Variants in THSD7B observed in about 807,000 individuals in gnomAD.
The protein encoded by THSD7B is thrombospondin type 1 domain containing 7B.
A neutral mutation model predicts 213.6 loss-of-function variants in THSD7B; 138 were observed. That is an observed-to-expected ratio of 0.65 (90% CI 0.56 to 0.74). The LOEUF (loss-of-function observed/expected upper bound fraction) is 0.74, where lower values mean the gene tolerates loss of function less well. THSD7B is among the 30% of genes least tolerant of loss of function. The pLI, the probability that THSD7B is intolerant of heterozygous loss-of-function variation, is 0.00. For synonymous variants in THSD7B, 742 were observed against 687.0 expected, an observed-to-expected ratio of 1.08 and a Z score of -1.25; for missense variants, 1,931 against 1,991.5, an observed-to-expected ratio of 0.97 and a Z score of 0.58.
intron 2 of THSD7B, among the ~76,000 whole-genome samples, chr2:136,908,908 C>T (rs948916064): frequency 1.5e-4 from 23 of 151,964 alleles, no homozygotes; most frequent in East Asian, 3.9e-4. Flanking sequence ...AGTCTGGGCG[C>T]GGTGGCTAAC....
In THSD7B at chr2:137,370,869, A is replaced by G. The variant is rs141278277; in HGVS notation, c.2501-34744A>G. 3.2e-3 allele frequency among the ~76,000 whole-genome samples: 481 copies of G among 152,258 alleles called. 14 individuals are homozygous for G. Among genetic ancestry groups the G allele is most frequent in the Admixed American group, 0.028 (431 of 15,288 alleles). ...GTTATATAATTTCATTAATTAATAT[A>G]TTCAGTGTTTATATTAGTATAGCTA... On this transcript the variant is annotated intron_variant, in intron 12 of 27. Coordinates refer to ENST00000409968, the MANE Select transcript of THSD7B (RefSeq NM_001316349.2).
intron 14 of THSD7B, among the ~76,000 whole-genome samples, chr2:137,416,634 G>A (rs2105020043): frequency 6.6e-6 from 1 of 152,310 alleles, no homozygotes; most frequent in South Asian, 2.1e-4. Context: ...GGAAAGGATA[G>A]TTTAGATAAG....
rs1047471973 is a variant in THSD7B at position 137,160,315 on chromosome 2, C to G, written c.1472C>G (p.Ser491Ter). ...CSTDCIVSSWSAWGLCIHENC... is the reference protein window; with the variant it reads ...CSTDCIVSSW Reference sequence around the variant, plus strand: ...ACGGACTGCATAGTATCTTCCTGGTCAGCCTGGGGCCTGTGCATCCATGAA... The same window carrying G: ...ACGGACTGCATAGTATCTTCCTGGTGAGCCTGGGGCCTGTGCATCCATGAA... The change falls in exon 6 of 28, where the codon TCA (serine) becomes TGA (stop). Residue 491 changes from serine (S) to a stop codon, truncating the protein, a stop_gained. Coordinates refer to ENST00000409968, the MANE Select transcript of THSD7B (RefSeq NM_001316349.2). LOFTEE classifies it high-confidence loss of function. 6.2e-7 allele frequency: 1 copy of G among 1,613,518 alleles called. No individual in the cohort carries two copies. The highest frequency in any genetic ancestry group is 1.3e-5 in the African/African-American group (1 of 74,912).
At chr2:137,204,672 A>T (rs1680946052) in intron 7 of THSD7B, among the ~76,000 whole-genome samples, 1 of 152,122 alleles carries the variant, frequency 6.6e-6, no homozygotes, top group Non-Finnish European at 1.5e-5. Context: ...TTGAGCACAA[A>T]TTATTTTAAT....
chr2:137,536,266 A>G (rs976249227), intron 15 of THSD7B, among the ~76,000 whole-genome samples: 31 of 151,270 alleles, frequency 2.0e-4, no homozygotes. Context: ...GGAAAATAGG[A>G]CACATATATA....
chr2:137,666,537 T>TTCC (rs144985774), intron 26 of THSD7B, among the ~76,000 whole-genome samples: 2 of 145,814 alleles, frequency 1.4e-5, no homozygotes, highest in Non-Finnish European at 3.0e-5. Context: ...TTGATTGATT[T>TTCC]CCCCCCCCCA....
chr2:137,490,147 A>ATT (rs1024695397), intron 15 of THSD7B, among the ~76,000 whole-genome samples: 5 of 152,190 alleles, frequency 3.3e-5, no homozygotes, highest in African/African-American at 1.2e-4. Flanking sequence ...TTTCCTAACC[A>ATT]TTAGTAATTG....
rs944177091 is a variant in THSD7B, at chr2:137,483,672, T to C, written c.3138+32649T>C. On this transcript the variant is annotated intron_variant, in intron 15 of 27. Coordinates refer to ENST00000409968, the MANE Select transcript of THSD7B (RefSeq NM_001316349.2). The stretch of plus-strand genomic sequence containing the variant: ...GTCAATGAAGTTAGGGAAGGTTTTA[T>C]AAAAGTAACAGTGGAGCTGAGCCTG... 6.6e-5 allele frequency among the ~76,000 whole-genome samples: 10 copies of C among 152,122 alleles called. No individual in the cohort carries two copies. The South Asian group carries it at 8.3e-4, about 13-fold the overall frequency.
chr2:137,186,221 G>A (rs571086269), intron 7 of THSD7B, among the ~76,000 whole-genome samples: 2 of 152,234 alleles, frequency 1.3e-5, no homozygotes, highest in Non-Finnish European at 2.9e-5. Flanking sequence ...CTGTGCAGAA[G>A]CTCTTTAATT....
chr2:136,971,692 T>A (rs1255863168), intron 2 of THSD7B, among the ~76,000 whole-genome samples: 1 of 150,922 alleles, frequency 6.6e-6, no homozygotes, highest in Middle Eastern at 3.2e-3. Context: ...TACATACATA[T>A]GTATATATAT....
chr2:136,781,091 G>A (rs1345258922), intron 1 of THSD7B, among the ~76,000 whole-genome samples: 1 of 152,098 alleles, frequency 6.6e-6, no homozygotes, highest in Non-Finnish European at 1.5e-5. Flanking sequence ...CTGTGTAACA[G>A]GGTTAATAAC....
intron 19 of THSD7B, among the ~76,000 whole-genome samples, chr2:137,619,729 A>G (rs1327863592): frequency 1.3e-5 from 2 of 152,256 alleles, no homozygotes; most frequent in Non-Finnish European, 2.9e-5. Context: ...CATATGCCCA[A>G]TAAATATGTA....
At chr2:137,473,333 C>T (rs1688129091) in intron 15 of THSD7B, among the ~76,000 whole-genome samples, 1 of 151,994 alleles carries the variant, frequency 6.6e-6, no homozygotes, top group Non-Finnish European at 1.5e-5. Context: ...CATTCTCCTG[C>T]CTCAGCCTCC....
chr2:137,026,469 C>T (rs1399848145), intron 2 of THSD7B, among the ~76,000 whole-genome samples: 1 of 152,088 alleles, frequency 6.6e-6, no homozygotes, highest in Non-Finnish European at 1.5e-5. Flanking sequence ...AAAGGATTAC[C>T]TTAAAAATTT....
At chr2:136,789,008 T>C (rs1246741381) in intron 1 of THSD7B, among the ~76,000 whole-genome samples, 3 of 152,142 alleles carry the variant, frequency 2.0e-5, no homozygotes, top group African/African-American at 7.2e-5. Context: ...TTAATTTCAT[T>C]AGTATGCAGT....
At chr2:136,941,001 C>T (rs980424363) in intron 2 of THSD7B, among the ~76,000 whole-genome samples, 4 of 151,824 alleles carry the variant, frequency 2.6e-5, no homozygotes, top group African/African-American at 9.7e-5. Context: ...GCTATCCTTC[C>T]TCCAGCCCCC....
At chr2:137,406,457 C>A (rs1023033922) in intron 13 of THSD7B, among the ~76,000 whole-genome samples, 7 of 152,138 alleles carry the variant, frequency 4.6e-5, no homozygotes, top group African/African-American at 1.7e-4. Flanking sequence ...GATAAAAATG[C>A]CACAACTTCT....
chr2:137,465,973 C>G (rs532683753), intron 15 of THSD7B, among the ~76,000 whole-genome samples: 5 of 151,970 alleles, frequency 3.3e-5, no homozygotes, highest in South Asian at 4.1e-4. Context: ...TTTCATGTTC[C>G]CATGGTTTGG....
At chr2:137,428,337 C>T (rs991226832) in intron 14 of THSD7B, among the ~76,000 whole-genome samples, 1 of 152,150 alleles carries the variant, frequency 6.6e-6, no homozygotes, top group Non-Finnish European at 1.5e-5. Context: ...TTGGAATTCT[C>T]ATACATTGCT....
Sources: gnomAD v4.1 joint callset for allele counts (sites outside exome capture counted in the v4.1 genomes callset) on GRCh38, gnomAD v4.1.1 for gene constraint, MANE v1.5 for transcripts, NCBI Gene and HGNC (gene_info 2026-07-23, HGNC 2026-07-21) for gene names.